Variants in SGCZ observed in about 807,000 individuals in gnomAD.
The protein encoded by SGCZ is sarcoglycan zeta, also known as zeta-sarcoglycan.
Under a neutral mutation model 41.3 loss-of-function variants are expected in SGCZ, and 40 were observed. That is an observed-to-expected ratio of 0.97 (90% CI 0.75 to 1.26). The LOEUF (loss-of-function observed/expected upper bound fraction) is 1.26. Among genes scored for constraint, SGCZ ranks in the 50% most tolerant of loss-of-function variants. The pLI, the probability that SGCZ is intolerant of heterozygous loss-of-function variation, is 0.00. For synonymous variants in SGCZ, 206 were observed against 137.5 expected (o/e 1.50, Z -3.49); for missense variants, 552 against 369.8 (o/e 1.49, Z -4.04).
intron 4 of SGCZ, among the ~76,000 whole-genome samples, chr8:14,197,757 C>T (rs1044498074): frequency 3.1e-4 from 47 of 152,026 alleles, no homozygotes; most frequent in African/African-American, 1.1e-3. Flanking sequence ...GTTTAAAAAG[C>T]AAAAATGTCA....
chr8:14,478,975 T>A (rs749503994), intron 2 of SGCZ, among the ~76,000 whole-genome samples: 1 of 152,216 alleles, frequency 6.6e-6, no homozygotes, highest in Non-Finnish European at 1.5e-5. Context: ...CTGCTTCTAA[T>A]GCCCACCCCT....
At chr8:14,955,905 C>A (rs111601064) in intron 1 of SGCZ, among the ~76,000 whole-genome samples, 85 of 152,144 alleles carry the variant, frequency 5.6e-4, no homozygotes, top group South Asian at 1.4e-3. Flanking sequence ...CATTTTAATG[C>A]CATTGAATGT....
intron 7 of SGCZ, among the ~76,000 whole-genome samples, chr8:14,100,058 G>T (rs1801965269): frequency 6.6e-6 from 1 of 151,834 alleles, no homozygotes; most frequent in African/African-American, 2.4e-5. Context: ...TTTAGTAAAT[G>T]ATAAATCTGT....
chr8:14,209,637 G>A (rs1024484151), intron 4 of SGCZ, among the ~76,000 whole-genome samples: 4 of 152,004 alleles, frequency 2.6e-5, no homozygotes, highest in South Asian at 2.1e-4. Context: ...GAAAAGTTGT[G>A]TCAGCAAATG....
intron 2 of SGCZ, among the ~76,000 whole-genome samples, chr8:14,453,782 A>C (rs553411184): frequency 3.2e-4 from 48 of 152,334 alleles, no homozygotes; most frequent in African/African-American, 1.2e-3. Context: ...TCAAAAATCT[A>C]CTTTGCAATG....
intron 1 of SGCZ, among the ~76,000 whole-genome samples, chr8:15,086,137 A>G (rs1186692238): frequency 6.6e-6 from 1 of 152,232 alleles, no homozygotes; most frequent in Non-Finnish European, 1.5e-5. Context: ...ATTTAACAAG[A>G]GTGGTAAATT....
chr8:15,032,120 C>T (rs76749663), intron 1 of SGCZ, among the ~76,000 whole-genome samples: 6,585 of 152,092 alleles, frequency 0.043, 223 homozygotes, highest in South Asian at 0.14. Context: ...TATACAATAG[C>T]ATATATTTGG....
At chr8:14,164,074 T>C (rs1804132404) in intron 5 of SGCZ, among the ~76,000 whole-genome samples, 1 of 152,134 alleles carries the variant, frequency 6.6e-6, no homozygotes, top group African/African-American at 2.4e-5. Context: ...ACCCCAATAT[T>C]ATAATAATGA....
intron 2 of SGCZ, among the ~76,000 whole-genome samples, chr8:14,380,900 T>C (rs1045901204): frequency 6.6e-6 from 1 of 152,068 alleles, no homozygotes; most frequent in East Asian, 1.9e-4. Flanking sequence ...TTGTGTAAAG[T>C]AAAAAGTAAA....
chr8:15,098,299 A>G (rs1806465134), intron 1 of SGCZ, among the ~76,000 whole-genome samples: 1 of 152,202 alleles, frequency 6.6e-6, no homozygotes, highest in African/African-American at 2.4e-5. Context: ...TCTTCCTTAC[A>G]TTTTTATTAC....
chr8:14,985,462 G>C (rs1801798363), intron 1 of SGCZ, among the ~76,000 whole-genome samples: 1 of 152,168 alleles, frequency 6.6e-6, no homozygotes, highest in Non-Finnish European at 1.5e-5. Context: ...CTAAGAGGCA[G>C]AGCAAATGAG....
At chr8:14,217,164 C>T (rs1806024972) in intron 4 of SGCZ, among the ~76,000 whole-genome samples, 2 of 151,846 alleles carry the variant, frequency 1.3e-5, no homozygotes, top group Non-Finnish European at 2.9e-5. Context: ...GGCATGGTGG[C>T]AGGCACCTGT....
At chr8:14,708,992 T>C (rs1809428299) in intron 1 of SGCZ, among the ~76,000 whole-genome samples, 1 of 152,142 alleles carries the variant, frequency 6.6e-6, no homozygotes, top group African/African-American at 2.4e-5. Context: ...TGACCCAATT[T>C]ATAAGTCCTT....
At chr8:15,096,911 T>A (rs915496404) in intron 1 of SGCZ, among the ~76,000 whole-genome samples, 3 of 152,054 alleles carry the variant, frequency 2.0e-5, no homozygotes, top group African/African-American at 7.2e-5. Context: ...AGTCTTGATC[T>A]TCTGACCTCG....
chr8:15,054,080 G>A (rs1804618648), intron 1 of SGCZ, among the ~76,000 whole-genome samples: 1 of 152,198 alleles, frequency 6.6e-6, no homozygotes, highest in South Asian at 2.1e-4. Flanking sequence ...CTAGTACCTT[G>A]ACAATAACTA....
At chr8:14,172,821 G>C (rs958350387) in intron 4 of SGCZ, among the ~76,000 whole-genome samples, 1 of 152,080 alleles carries the variant, frequency 6.6e-6, no homozygotes, top group Non-Finnish European at 1.5e-5. Context: ...AGCTTACAAG[G>C]CTCTCCAGAA....
chr8:15,172,655 A>C (rs1406903871), intron 1 of SGCZ, among the ~76,000 whole-genome samples: 1 of 152,196 alleles, frequency 6.6e-6, no homozygotes, highest in African/African-American at 2.4e-5. Flanking sequence ...TATCAAAAGG[A>C]GTGACTTCCT....
At chr8:14,746,950 A>T (rs1799354489) in intron 1 of SGCZ, among the ~76,000 whole-genome samples, 1 of 152,220 alleles carries the variant, frequency 6.6e-6, no homozygotes, top group Admixed American at 6.5e-5. Flanking sequence ...ATGGGTTCAA[A>T]GATATTTGAA....
At chr8:14,619,080 C>A (rs945995656) in intron 1 of SGCZ, among the ~76,000 whole-genome samples, 1 of 152,120 alleles carries the variant, frequency 6.6e-6, no homozygotes, top group African/African-American at 2.4e-5. Flanking sequence ...TTATAAAGAA[C>A]TACCTGACAC....
Sources: allele counts gnomAD v4.1 joint callset (sites outside exome capture counted in the v4.1 genomes callset), GRCh38; gene constraint gnomAD v4.1.1; transcripts MANE v1.5; gene names NCBI Gene and HGNC (gene_info 2026-07-23, HGNC 2026-07-21).